The following RNGTT variants were observed in gnomAD, a reference collection of about 807,000 sequenced individuals.
The protein encoded by RNGTT is mRNA-capping enzyme.
Under a neutral mutation model 79.3 loss-of-function variants are expected in RNGTT, and 33 were observed. The observed-to-expected ratio is 0.42, with a 90% CI of 0.32 to 0.56. The LOEUF is 0.56. RNGTT is among the 20% of genes least tolerant of loss of function. RNGTT has a pLI of 0.17. For synonymous variants in RNGTT, 222 were observed against 235.9 expected, an observed-to-expected ratio of 0.94 and a Z score of 0.54; for missense variants, 497 against 739.1, an observed-to-expected ratio of 0.67 and a Z score of 3.80.
At chr6:88,649,065 A>G (rs1773693822) in intron 14 of RNGTT, among the ~76,000 whole-genome samples, 1 of 152,232 alleles carries the variant, frequency 6.6e-6, no homozygotes, top group African/African-American at 2.4e-5. Flanking sequence ...AAATGTGGGC[A>G]AGGAAAAAAA....
intron 14 of RNGTT, among the ~76,000 whole-genome samples, chr6:88,672,087 A>G (rs1038576189): frequency 1.1e-4 from 16 of 152,120 alleles, no homozygotes; most frequent in African/African-American, 3.6e-4. Context: ...AAGCAAATGC[A>G]ACAAAAACAA....
chr6:88,619,707 C>A (rs1286880856), intron 14 of RNGTT, among the ~76,000 whole-genome samples: 1 of 152,050 alleles, frequency 6.6e-6, no homozygotes, highest in African/African-American at 2.4e-5. Context: ...ATAATTCTAC[C>A]TTTTGATAAT....
intron 14 of RNGTT, among the ~76,000 whole-genome samples, chr6:88,627,734 G>C (rs1195662883): frequency 1.3e-5 from 2 of 151,950 alleles, no homozygotes; most frequent in African/African-American, 4.8e-5. Context: ...TACAGGCACC[G>C]AAGACCACAG....
chr6:88,679,400 G>A (rs1207620141), intron 13 of RNGTT, among the ~76,000 whole-genome samples: 2 of 152,162 alleles, frequency 1.3e-5, no homozygotes, highest in Non-Finnish European at 2.9e-5. Context: ...CACAAGTATG[G>A]ACAGAGTAAG....
chr6:88,840,199 T>A (rs1340002925), intron 11 of RNGTT, among the ~76,000 whole-genome samples: 13 of 152,184 alleles, frequency 8.5e-5, no homozygotes, highest in Admixed American at 8.5e-4. Context: ...AGCAATAACC[T>A]GTCAATTGTA....
intron 13 of RNGTT, among the ~76,000 whole-genome samples, chr6:88,738,236 A>G (rs1295808808): frequency 3.3e-5 from 5 of 152,204 alleles, no homozygotes; most frequent in Admixed American, 2.6e-4. Flanking sequence ...GGAGCATCCT[A>G]TAATACATTT....
intron 13 of RNGTT, among the ~76,000 whole-genome samples, chr6:88,698,291 C>CATATATATATATATGAA (rs1192855957): frequency 1.1e-5 from 1 of 89,666 alleles, no homozygotes; most frequent in African/African-American, 7.6e-5. Flanking sequence ...TCATATATAT[C>CATATATATATATATGAA]ATATATATAT....
At chr6:88,899,870 G>A (rs1783386312) in intron 6 of RNGTT, among the ~76,000 whole-genome samples, 1 of 152,128 alleles carries the variant, frequency 6.6e-6, no homozygotes, top group Non-Finnish European at 1.5e-5. Context: ...TCAAGTGGAA[G>A]GAGTCCAATT....
chr6:88,828,894 G>A (rs1315707982), intron 11 of RNGTT, among the ~76,000 whole-genome samples: 1 of 152,070 alleles, frequency 6.6e-6, no homozygotes, highest in Non-Finnish European at 1.5e-5. Flanking sequence ...TATGTGAAAA[G>A]ACCAAACCTA....
At chr6:88,956,165 G>A (rs1184559552) in intron 1 of RNGTT, among the ~76,000 whole-genome samples, 1 of 150,112 alleles carries the variant, frequency 6.7e-6, no homozygotes, top group African/African-American at 2.5e-5. Context: ...CAAAACAGGA[G>A]ATATTACAAC....
chr6:88,789,239 G>A (rs1007042536), intron 12 of RNGTT, among the ~76,000 whole-genome samples: 1 of 152,114 alleles, frequency 6.6e-6, no homozygotes, highest in African/African-American at 2.4e-5. Context: ...GGCCAACATG[G>A]GGAAACCCCA....
At chr6:88,632,292 G>T (rs1772920123) in intron 14 of RNGTT, among the ~76,000 whole-genome samples, 1 of 152,024 alleles carries the variant, frequency 6.6e-6, no homozygotes, top group South Asian at 2.1e-4. Context: ...AAAACACTAA[G>T]GTTCACAGAA....
At chr6:88,659,906 G>C (rs149969607) in intron 14 of RNGTT, among the ~76,000 whole-genome samples, 2 of 152,146 alleles carry the variant, frequency 1.3e-5, no homozygotes, top group African/African-American at 2.4e-5. Flanking sequence ...TGAGACAAAA[G>C]CATCAGGTAA....
At chr6:88,707,204 T>C (rs950378636) in intron 13 of RNGTT, among the ~76,000 whole-genome samples, 1 of 152,040 alleles carries the variant, frequency 6.6e-6, no homozygotes, top group Admixed American at 6.6e-5. Context: ...ACTGAAAAGA[T>C]GACATCAGAA....
chr6:88,888,926 G>A (rs1201630690), intron 8 of RNGTT, among the ~76,000 whole-genome samples: 3 of 152,194 alleles, frequency 2.0e-5, no homozygotes, highest in African/African-American at 7.2e-5. Flanking sequence ...TACTTGGGAG[G>A]CTGAGGCAGC....
intron 6 of RNGTT, among the ~76,000 whole-genome samples, chr6:88,900,944 C>T (rs1467713130): frequency 3.3e-5 from 5 of 151,616 alleles, no homozygotes; most frequent in Non-Finnish European, 7.4e-5. Flanking sequence ...GAGTTTGAGA[C>T]CAACTTGGCC....
At chr6:88,808,568 CACA>C (rs2127868842) in intron 11 of RNGTT, among the ~76,000 whole-genome samples, 1 of 151,946 alleles carries the variant, frequency 6.6e-6, no homozygotes, top group African/African-American at 2.4e-5. Flanking sequence ...TTCTAAAAAC[CACA>C]ACATTACAAA....
intron 4 of RNGTT, among the ~76,000 whole-genome samples, chr6:88,912,574 A>G (rs759700402): frequency 6.6e-6 from 1 of 152,212 alleles, no homozygotes; most frequent in Non-Finnish European, 1.5e-5. Context: ...AGCCATGTAA[A>G]GAAAACCATA....
At chr6:88,709,880 C>T (rs1776262564) in intron 13 of RNGTT, among the ~76,000 whole-genome samples, 1 of 152,122 alleles carries the variant, frequency 6.6e-6, no homozygotes, top group Non-Finnish European at 1.5e-5. Flanking sequence ...TATATGTTTC[C>T]CTCATTCAGC....
Sources: gnomAD v4.1 joint callset for allele counts (sites outside exome capture counted in the v4.1 genomes callset) on GRCh38, gnomAD v4.1.1 for gene constraint, MANE v1.5 for transcripts, NCBI Gene and HGNC (gene_info 2026-07-23, HGNC 2026-07-21) for gene names.